The following RECQL5 variants were observed in gnomAD, a reference collection of about 807,000 sequenced individuals.
The protein encoded by RECQL5 is RecQ like helicase 5.
RECQL5 carries 88 observed loss-of-function variants against 103.4 expected under a neutral mutation model. The ratio of observed to expected loss-of-function variants is 0.85; its 90% CI spans 0.72 to 1.02. The LOEUF is 1.02. Ranked by LOEUF, RECQL5 falls within the 50% of genes least tolerant of loss-of-function variation. RECQL5 has a pLI of 0.00. For synonymous variants in RECQL5, 552 were observed against 507.9 expected, an observed-to-expected ratio of 1.09 and a Z score of -1.17; for missense variants, 1,232 against 1,284.3, an observed-to-expected ratio of 0.96 and a Z score of 0.62.
At position 75,640,268 on chromosome 17, in the gene RECQL5, A is replaced by G. The variant is rs2059410571; in HGVS notation, c.1230-8600T>C. The G allele has an allele frequency of 6.4e-7, 1 of 1,551,458 alleles. No homozygotes were observed. The highest frequency in any genetic ancestry group is 1.2e-5 in the South Asian group (1 of 84,042). ...CGAGAGGCTGCTGCTCAAGCTGCAG[A>G]GACTGCCCCAGGCTGAGCCCGTGGA... On this transcript the variant is annotated intron_variant, in intron 8 of 19. Coordinates refer to ENST00000317905, the MANE Select transcript of RECQL5 (RefSeq NM_004259.7). The surrounding 1 kb of genome is among the most constrained non-coding windows in gnomAD (Gnocchi z 4.6).
chr17:75,652,728 G>T (rs1471250414), intron 7 of RECQL5, among the ~76,000 whole-genome samples: 1 of 152,194 alleles, frequency 6.6e-6, no homozygotes, highest in Non-Finnish European at 1.5e-5. Context: ...GGTAAAGCTG[G>T]GGGAAGGAGA....
chr17:75,637,344 C>G (rs1721916478), intron 8 of RECQL5: 2 of 152,372 alleles, frequency 1.3e-5, no homozygotes, highest in Admixed American at 1.3e-4. Flanking sequence ...AAACGCCAGA[C>G]CAAGTGTAGA....
At chr17:75,633,213 G>A (rs1012724768) in intron 8 of RECQL5, among the ~76,000 whole-genome samples, 2 of 152,248 alleles carry the variant, frequency 1.3e-5, no homozygotes, top group African/African-American at 4.8e-5. Context: ...TCTGGCATCC[G>A]AGTGGTGTGA....
rs1485632795 is a variant in RECQL5, at chr17:75,667,058, G to A, written c.-29C>T. ...CCCTAAGATATCAGAACCGGCCGTG[G>A]TCCGCCCAAGAATTAAAGGCTGCTG... On this transcript the variant is annotated 5_prime_UTR_variant, in exon 1 of 20. Transcript: ENST00000317905. 4 of 347,824 alleles carry A rather than the reference G, an allele frequency of 1.2e-5. No homozygotes were observed. In the East Asian group the frequency reaches 2.3e-4, roughly 20 times the overall value. The allele number at this position is 347,824 out of a possible 1,614,324, so 21.5% of individuals were successfully genotyped here.
chr17:75,657,567 T>C (rs918322885), intron 7 of RECQL5, among the ~76,000 whole-genome samples: 3 of 151,666 alleles, frequency 2.0e-5, no homozygotes, highest in Non-Finnish European at 4.4e-5. Context: ...CTGGGCACCA[T>C]AGTGAAACCC....
At chr17:75,635,916 G>A in intron 8 of RECQL5, 1 of 960,636 alleles carries the variant, frequency 1.0e-6, no homozygotes. Context: ...GGACCAAGTG[G>A]CAGCTGTCTG....
At chr17:75,665,006 C>T (rs766138805) in intron 3 of RECQL5, 45 bp downstream of exon 3, 7 of 1,502,246 alleles carry the variant, frequency 4.7e-6, no homozygotes, top group African/African-American at 1.5e-5. Flanking sequence ...AAAAAACCTT[C>T]CCCGAATCTT....
intron 8 of RECQL5, among the ~76,000 whole-genome samples, chr17:75,644,742 T>C (rs2059470334): frequency 6.6e-6 from 1 of 150,822 alleles, no homozygotes; most frequent in African/African-American, 2.4e-5. Context: ...GGCAGGAGAA[T>C]CGCCTGAACC....
intron 6 of RECQL5, among the ~76,000 whole-genome samples, chr17:75,660,749 G>A (rs973041793): frequency 1.7e-4 from 26 of 152,220 alleles, no homozygotes; most frequent in African/African-American, 6.3e-4. Flanking sequence ...CCTGGGGGGT[G>A]CCAGAACCAT....
At chr17:75,661,807 T>C (rs1027396340) in intron 4 of RECQL5, 99 bp from the exon 5 acceptor site, 8 of 843,002 alleles carry the variant, frequency 9.5e-6, no homozygotes, top group Non-Finnish European at 1.5e-5. Flanking sequence ...GTGTTCCTTC[T>C]CTCGTCGGCT....
intron 17 of RECQL5, 102 bp downstream of exon 17, chr17:75,628,570 A>C (rs934330840): frequency 6.6e-7 from 1 of 1,506,008 alleles, no homozygotes. Context: ...CCAGGTGTGG[A>C]AAGAAAGCTG....
chr17:75,658,201 C>G, intron 7 of RECQL5, 97 bp downstream of exon 7: 2 of 1,391,388 alleles, frequency 1.4e-6, no homozygotes, highest in Non-Finnish European at 2.0e-6. Context: ...GCAGCCTCCT[C>G]TAGCTTACAC....
In RECQL5 at chr17:75,629,460, C is replaced by A; in HGVS notation, c.1963G>T (p.Val655Leu). The A allele has an allele frequency of 6.7e-7, 1 of 1,503,016 alleles. No individual in the cohort carries two copies. Among genetic ancestry groups the A allele is most frequent in the South Asian group, 1.4e-5 (1 of 71,624 alleles). The allele number at this position is 1,503,016 out of a possible 1,614,324, so 93.1% of individuals were successfully genotyped here. Reference protein sequence around the residue: ...SHVYSLKPKRVGAGFPKGSCP... With the variant: ...SHVYSLKPKRLGAGFPKGSCP... ...GAGCCTTTGGGGAAACCAGCTCCCA[C>A]CCGCTTGGGTTTGAGCTGTAAATGT... The change falls in exon 16 of 20, where the codon GTG (valine) becomes TTG (leucine). Residue 655 changes from valine (V) to leucine (L), a missense_variant. Transcript: ENST00000317905.
At chr17:75,643,874 G>A (rs968356921) in intron 8 of RECQL5, among the ~76,000 whole-genome samples, 1 of 152,174 alleles carries the variant, frequency 6.6e-6, no homozygotes, top group African/African-American at 2.4e-5. Flanking sequence ...CAATCATGTC[G>A]CCAGCCTCTT....
rs575712847 is a variant in RECQL5 at position 75,659,354 on chromosome 17, C to T, written c.987-894G>A. Among the ~76,000 whole-genome samples the T allele has an allele frequency of 2.6e-5, 4 of 152,194 alleles. No individual in the cohort carries two copies. In the South Asian group the frequency reaches 8.3e-4, roughly 32 times the overall value. On this transcript the variant is annotated intron_variant, in intron 6 of 19. Transcript: ENST00000317905. ...GGATTACAGGCATAAGCCACTGTGC[C>T]CGGCCTTGTTTTTTATTTTTCAAGA...
rs369545196 is a variant in RECQL5, at chr17:75,628,437, G to A, written c.2586C>T (p.Asn862=). ...KGKRPRSQQE[N]PESQPQKRPR... ...GCCTCTTCTGAGGCTGGCTCTCTGG[G>A]TTCTCCTGAGAAGGGCCACAGCAGA... The change falls in exon 18 of 20, where the codon AAC becomes AAT. Residue 862 remains asparagine, a synonymous_variant. Transcript: ENST00000317905. 2.5e-6 allele frequency: 4 copies of A among 1,613,104 alleles called. No homozygotes were observed. Among genetic ancestry groups the A allele is most frequent in the East Asian group, 4.5e-5 (2 of 44,898 alleles).
Position 75,627,500 on chromosome 17 carries a change from G to C in RECQL5, c.2898C>G (p.Leu966=), listed in dbSNP as rs370080399. 4.3e-6 allele frequency: 7 copies of C among 1,613,806 alleles called. No homozygotes were observed. The highest frequency in any genetic ancestry group is 1.3e-5 in the African/African-American group (1 of 74,940). ...GRSVKEEAQN[L]IRHFFHGRAR... ...CCCGGCCATGGAAGAAGTGCCTGAT[G>C]AGGTTCTGGGCCTCTTCTTTCACTA... Residue 966 remains leucine, a synonymous_variant, in exon 20 of 20, where the codon CTC becomes CTG. Coordinates refer to ENST00000317905, the MANE Select transcript of RECQL5 (RefSeq NM_004259.7).
At chr17:75,642,707 T>C (rs1167989880) in intron 8 of RECQL5, among the ~76,000 whole-genome samples, 1 of 152,238 alleles carries the variant, frequency 6.6e-6, no homozygotes, top group East Asian at 1.9e-4. Flanking sequence ...CAGCATTGTC[T>C]TCAGCATTTT....
intron 2 of RECQL5, 91 bp downstream of exon 2, chr17:75,666,337 G>A (rs1295677688): frequency 7.1e-7 from 1 of 1,416,578 alleles, no homozygotes; most frequent in African/African-American, 1.4e-5. Context: ...CCAAAGGTGA[G>A]GCAGTACGAA....
Sources: gnomAD v4.1 joint callset for allele counts (sites outside exome capture counted in the v4.1 genomes callset) on GRCh38, gnomAD v4.1.1 for gene constraint, Gnocchi (gnomAD v3.1) non-coding constraint, MANE v1.5 for transcripts, NCBI Gene and HGNC (gene_info 2026-07-23, HGNC 2026-07-21) for gene names.